REDIC1: variants seen among roughly 807,000 people sequenced by gnomAD.
REDIC1 encodes the protein HEI10 Interacting Protein 1.
At chr12:39,706,161 T>C in the REDIC1 span, among the ~76,000 whole-genome samples, 1 of 152,074 alleles carries the variant, frequency 6.6e-6, no homozygotes, top group African/African-American at 2.4e-5. Flanking sequence ...AGCATTTTTA[T>C]ATGCCAACAG....
At chr12:39,655,037 C>T in the REDIC1 span, among the ~76,000 whole-genome samples, 1 of 151,914 alleles carries the variant, frequency 6.6e-6, no homozygotes, top group South Asian at 2.1e-4. Flanking sequence ...TATAGTATAC[C>T]CTTGAAATCC....
the REDIC1 span, among the ~76,000 whole-genome samples, chr12:39,875,611 G>A: frequency 6.6e-6 from 1 of 152,192 alleles, no homozygotes; most frequent in Non-Finnish European, 1.5e-5. Context: ...CAGTTATAAT[G>A]AGAAGGAAGG....
the REDIC1 span, among the ~76,000 whole-genome samples, chr12:39,688,669 A>G: frequency 1.3e-5 from 2 of 152,226 alleles, no homozygotes; most frequent in East Asian, 3.8e-4. Context: ...TGATTCTAGC[A>G]ACAATGAGGA....
At chr12:39,840,741 TTTC>T in the REDIC1 span, among the ~76,000 whole-genome samples, 4 of 152,054 alleles carry the variant, frequency 2.6e-5, no homozygotes, top group South Asian at 2.1e-4. Context: ...CATTCCATGA[TTTC>T]TTAACAGCTT....
At chr12:39,841,241 C>T in the REDIC1 span, among the ~76,000 whole-genome samples, 1 of 152,242 alleles carries the variant, frequency 6.6e-6, no homozygotes, top group Admixed American at 6.5e-5. Flanking sequence ...AGCAATTTAG[C>T]CTAGTAGCCA....
the REDIC1 span, among the ~76,000 whole-genome samples, chr12:39,694,438 G>A: frequency 6.6e-6 from 1 of 152,084 alleles, no homozygotes; most frequent in Non-Finnish European, 1.5e-5. Flanking sequence ...ACTGGGGAGA[G>A]GGACAGTCAG....
chr12:39,894,875 G>C, the REDIC1 span, among the ~76,000 whole-genome samples: 1 of 152,176 alleles, frequency 6.6e-6, no homozygotes, highest in African/African-American at 2.4e-5. Context: ...AAGAAAAAAA[G>C]AAGAAATGGA....
At chr12:39,655,736 G>A in the REDIC1 span, among the ~76,000 whole-genome samples, 1 of 152,286 alleles carries the variant, frequency 6.6e-6, no homozygotes, top group East Asian at 1.9e-4. Context: ...ACCACTCATG[G>A]ATCTAGGGGT....
the REDIC1 span, among the ~76,000 whole-genome samples, chr12:39,789,699 C>T: frequency 4.6e-5 from 7 of 152,238 alleles, no homozygotes; most frequent in South Asian, 1.5e-3. Flanking sequence ...ATACTACAAC[C>T]TAGCCAACAT....
chr12:39,807,771 T>G, the REDIC1 span, among the ~76,000 whole-genome samples: 1 of 152,180 alleles, frequency 6.6e-6, no homozygotes, highest in Non-Finnish European at 1.5e-5. Context: ...GAGAGTTGGG[T>G]CTTCTCCCCC....
At chr12:39,696,758 C>T in the REDIC1 span, among the ~76,000 whole-genome samples, 1 of 151,800 alleles carries the variant, frequency 6.6e-6, no homozygotes, top group Non-Finnish European at 1.5e-5. Flanking sequence ...AGCACAAATT[C>T]TAGAGCTGAA....
the REDIC1 span, among the ~76,000 whole-genome samples, chr12:39,628,955 T>G: frequency 6.6e-6 from 1 of 152,130 alleles, no homozygotes; most frequent in Admixed American, 6.6e-5. Flanking sequence ...GAGTTAGGAT[T>G]TGAGTTGAGT....
At chr12:39,744,957 A>G in the REDIC1 span, among the ~76,000 whole-genome samples, 3 of 152,332 alleles carry the variant, frequency 2.0e-5, no homozygotes, top group South Asian at 2.1e-4. Context: ...CACTTTCAAT[A>G]TAACGATACA....
chr12:39,702,476 T>A, the REDIC1 span, among the ~76,000 whole-genome samples: 18 of 152,090 alleles, frequency 1.2e-4, no homozygotes, highest in African/African-American at 4.1e-4. Flanking sequence ...CAGGACCAGA[T>A]GGATTCACAG....
the REDIC1 span, among the ~76,000 whole-genome samples, chr12:39,680,368 T>C: frequency 5.3e-5 from 8 of 151,924 alleles, no homozygotes; most frequent in South Asian, 2.1e-4. Flanking sequence ...TCAACAGATA[T>C]GAAAAAATGC....
chr12:39,704,075 G>A, the REDIC1 span, among the ~76,000 whole-genome samples: 2 of 152,120 alleles, frequency 1.3e-5, no homozygotes, highest in East Asian at 1.9e-4. Flanking sequence ...TGACAAATGC[G>A]ATCTAATTAA....
chr12:39,644,059 T>A, the REDIC1 span: 1 of 603,712 alleles, frequency 1.7e-6, no homozygotes, highest in Non-Finnish European at 2.8e-6. Flanking sequence ...ATTAGATGCC[T>A]AGTTAATATC....
At chr12:39,664,823 A>C in the REDIC1 span, among the ~76,000 whole-genome samples, 17 of 152,182 alleles carry the variant, frequency 1.1e-4, no homozygotes, top group African/African-American at 3.1e-4. Context: ...TCTCTGATGG[A>C]CAGTGATGAT....
At chr12:39,746,407 G>A in the REDIC1 span, among the ~76,000 whole-genome samples, 1 of 152,184 alleles carries the variant, frequency 6.6e-6, no homozygotes, top group Non-Finnish European at 1.5e-5. Context: ...TGAGGCTTGA[G>A]TAGGTAAACA....
Sources: allele counts gnomAD v4.1 joint callset (sites outside exome capture counted in the v4.1 genomes callset), GRCh38; gene constraint gnomAD v4.1.1; transcripts MANE v1.5; gene names NCBI Gene and HGNC (gene_info 2026-07-23, HGNC 2026-07-21).